The following ATM variants were observed in gnomAD, a reference collection of about 807,000 sequenced individuals.
ATM encodes serine-protein kinase ATM.
Under a neutral mutation model 387.0 loss-of-function variants are expected in ATM, and 308 were observed. The ratio of observed to expected loss-of-function variants is 0.80; its 90% CI spans 0.73 to 0.87. The LOEUF is 0.87. Among genes scored for constraint, ATM ranks in the 40% least tolerant of loss-of-function variants. The pLI is 0.00. For missense variants in ATM, 3,312 were observed against 3,560.9 expected, an observed-to-expected ratio of 0.93 and a Z score of 1.78; for synonymous variants, 1,156 against 1,187.3, an observed-to-expected ratio of 0.97 and a Z score of 0.54.
rs748879858 is a variant in ATM at position 108,366,319 on chromosome 11, T to G, written c.*811T>G. ...TCTCTTTTACCCTATCCATTGGGCT[T>G]CTTCTTTCAGAAATTGTTTTTCATT... On this transcript the variant is annotated 3_prime_UTR_variant, in exon 63 of 63. Coordinates refer to ENST00000675843, the MANE Select transcript of ATM (RefSeq NM_000051.4). The G allele has an allele frequency of 7.6e-5, 16 of 211,718 alleles. No homozygotes were observed. Among genetic ancestry groups the G allele is most frequent in the Admixed American group, 4.1e-4 (7 of 17,006 alleles). 13.1% of individuals were successfully genotyped at this position (211,718 alleles called of 1,614,324 possible).
intron 26 of ATM, among the ~76,000 whole-genome samples, chr11:108,285,805 G>C (rs969331813): frequency 2.0e-5 from 3 of 152,106 alleles, no homozygotes; most frequent in African/African-American, 7.2e-5. Context: ...ATTTGAGAGA[G>C]ATACTCAGCC....
In ATM at chr11:108,272,810, A is replaced by G. The variant is rs368111672; in HGVS notation, c.3242A>G (p.Asn1081Ser). The G allele has an allele frequency of 1.0e-4, 164 of 1,614,104 alleles. 3 individuals carry two copies. The South Asian group carries it at 1.5e-3, about 15-fold the overall frequency. ...NEVFTQFLAD[N>S]HHQVRMLAAE... ...GTATTTACACAATTTCTTGCTGACA[A>G]TCATCACCAAGTTCGCATGTTGGCT... Residue 1081 changes from asparagine (N) to serine (S), a missense_variant, in exon 22 of 63, where the codon AAT becomes AGT. Asn to Ser is a conservative substitution (Grantham distance 46). Coordinates refer to ENST00000675843, the MANE Select transcript of ATM (RefSeq NM_000051.4).
At position 108,365,603 on chromosome 11, in the gene ATM, T is replaced by C; in HGVS notation, c.*95T>C. 1 of 1,414,944 alleles carries C rather than the reference T, an allele frequency of 7.1e-7. No homozygotes were observed. The highest frequency in any genetic ancestry group is 9.6e-7 in the Non-Finnish European group (1 of 1,036,742). The allele number at this position is 1,414,944 out of a possible 1,614,324, so 87.6% of individuals were successfully genotyped here. ...CCAACATACTTTAAGTAGGGATTAATATTTAAGTGAACTATTGTGGGTTTT... is the reference window on the plus strand; with the variant it reads ...CCAACATACTTTAAGTAGGGATTAACATTTAAGTGAACTATTGTGGGTTTT... On this transcript the variant is annotated 3_prime_UTR_variant, in exon 63 of 63. Coordinates refer to ENST00000675843, the MANE Select transcript of ATM (RefSeq NM_000051.4).
At chr11:108,286,826 T>C (rs1487267494) in intron 26 of ATM, among the ~76,000 whole-genome samples, 1 of 152,224 alleles carries the variant, frequency 6.6e-6, no homozygotes, top group Non-Finnish European at 1.5e-5. Flanking sequence ...AGGAAGTATG[T>C]TTTTGAACTT....
At position 108,250,163 on chromosome 11, in the gene ATM, TA is replaced by T. The variant is rs1418538762; in HGVS notation, c.1236-537del. On this transcript the variant is annotated intron_variant, in intron 9 of 62. Transcript: ENST00000675843. ...CTAAATATATATATATATATATATATATTTTCTGAGACGGAGGCTCACTCTG... is the reference window on the plus strand; with the variant it reads ...CTAAATATATATATATATATATATATTTTTCTGAGACGGAGGCTCACTCTG... Among the ~76,000 whole-genome samples, 19 of 150,822 alleles carry T rather than the reference TA, an allele frequency of 1.3e-4. 1 individual carries two copies. Among genetic ancestry groups the T allele is most frequent in the Admixed American group, 6.0e-4 (9 of 15,106 alleles).
rs1060501526 is a variant in ATM at position 108,247,099 on chromosome 11, T to A, written c.1037T>A (p.Ile346Asn). The change falls in exon 8 of 63, where the codon ATT (isoleucine) becomes AAT (asparagine). Residue 346 changes from isoleucine to asparagine, a missense_variant. Physicochemically the swap from Ile to Asn is moderately radical, Grantham distance 149 (BLOSUM62 -3). This residue lies in a region of ATM where 1,791 missense variants were observed against 1,804.5 expected (regional missense o/e 0.99). Transcript: ENST00000675843. ...FRNIAVKENL[I>N]ELMADICHQV... ...AATATTGCCGTCAAAGAAAATTTGA[T>A]TGAATTGATGGCAGATATCTGTCAC... The A allele has an allele frequency of 1.9e-6, 3 of 1,613,908 alleles. No individual in the cohort carries two copies. The South Asian group carries it at 3.3e-5, about 18-fold the overall frequency.
chr11:108,265,284 G>C (rs1299153124), intron 16 of ATM, among the ~76,000 whole-genome samples: 2 of 151,994 alleles, frequency 1.3e-5, no homozygotes, highest in East Asian at 1.9e-4. Flanking sequence ...CCAAAACAGA[G>C]ATATAGATCA....
rs775274473 is a variant in ATM, at chr11:108,284,217, C to T, written c.3747-10C>T. The T allele has an allele frequency of 6.3e-7, 1 of 1,588,702 alleles. No individual in the cohort carries two copies. Among genetic ancestry groups the T allele is most frequent in the South Asian group, 1.1e-5 (1 of 88,480 alleles). The stretch of plus-strand genomic sequence containing the variant: ...TATATAACCTGTATTTTAAATTTTT[C>T]TATTTTTAGATCTTGTTATAAGGTT... On this transcript the variant is annotated splice_polypyrimidine_tract_variant and intron_variant, in intron 25 of 62. Transcript: ENST00000675843.
intron 16 of ATM, among the ~76,000 whole-genome samples, chr11:108,265,939 A>G (rs1188752159): frequency 6.7e-6 from 1 of 149,530 alleles, no homozygotes; most frequent in Admixed American, 6.7e-5. Flanking sequence ...ATGAGATACC[A>G]TCTCACACCA....
At position 108,301,732 on chromosome 11, in the gene ATM, G is replaced by T. The variant is rs748900588; in HGVS notation, c.5262G>T (p.Lys1754Asn). The change falls in exon 35 of 63, where the codon AAG becomes AAT. Residue 1754 changes from lysine to asparagine, a missense_variant. Around this residue, in one of 4 missense-constraint regions of ATM, gnomAD observed 1,405 missense variants for 1,604.4 expected, o/e 0.88. Transcript: ENST00000675843. ...KTGHSFWEIY[K>N]MTTDPMLAYL... ...GACATAGTTTCTGGGAGATTTATAAGATGACAACAGATCCAATGCTGGCCT... is the reference window on the plus strand; with the variant it reads ...GACATAGTTTCTGGGAGATTTATAATATGACAACAGATCCAATGCTGGCCT... The T allele has an allele frequency of 1.1e-5, 17 of 1,613,598 alleles. No individual in the cohort carries two copies. Among genetic ancestry groups the T allele is most frequent in the Non-Finnish European group, 1.4e-5 (17 of 1,179,778 alleles).
chr11:108,332,807 A>G lies in ATM; in HGVS notation c.7834A>G (p.Arg2612Gly). Residue 2612 changes from arginine to glycine, a missense_variant, in exon 53 of 63, where the codon AGG becomes GGG. Transcript: ENST00000675843. ...ANRIICTIRS[R>G]RPQMVRSVEA... ...TAGAATAATATGTACTATCAGAAGT[A>G]GGAGACCTCAGATGGTCAGAAGTGT... The G allele has an allele frequency of 6.2e-7, 1 of 1,613,476 alleles. No homozygotes were observed. Among genetic ancestry groups the G allele is most frequent in the Non-Finnish European group, 8.5e-7 (1 of 1,179,708 alleles).
At chr11:108,339,404 G>T (rs1417525592) in intron 56 of ATM, among the ~76,000 whole-genome samples, 3 of 151,992 alleles carry the variant, frequency 2.0e-5, no homozygotes, top group African/African-American at 7.2e-5. Context: ...GTTCTGGGGA[G>T]AGAAGCCATA....
chr11:108,303,119 T>A, intron 36 of ATM, 90 bp downstream of exon 36: 1 of 1,247,236 alleles, frequency 8.0e-7, no homozygotes, highest in Non-Finnish European at 1.1e-6. Context: ...CTTCACATAA[T>A]ATCACCCCCA....
In ATM at chr11:108,366,086, A is replaced by C. The variant is rs887884019; in HGVS notation, c.*578A>C. ...TGGATTTTTCCTAGTAAGATCACTC[A>C]GTGTTACTAAATAATGAAGTTGTTA... On this transcript the variant is annotated 3_prime_UTR_variant, in exon 63 of 63. Coordinates refer to ENST00000675843, the MANE Select transcript of ATM (RefSeq NM_000051.4). 8.5e-5 allele frequency: 16 copies of C among 189,094 alleles called. No individual in the cohort carries two copies. Among genetic ancestry groups the C allele is most frequent in the African/African-American group, 3.7e-4 (16 of 42,860 alleles). 11.7% of individuals were successfully genotyped at this position (189,094 alleles called of 1,614,324 possible). A position where few individuals can be genotyped will look rare whatever the true frequency, so the allele number is the denominator to read the frequency against.
In ATM at chr11:108,367,243, T is replaced by A. The variant is rs2091378489; in HGVS notation, c.*1735T>A. On this transcript the variant is annotated 3_prime_UTR_variant, in exon 63 of 63. Coordinates refer to ENST00000675843, the MANE Select transcript of ATM (RefSeq NM_000051.4). ...ACCTCGTGATCCACCCTCCTCGGCCTCCCAAAGTGCTGGGATTACAGGTGT... is the reference window on the plus strand; with the variant it reads ...ACCTCGTGATCCACCCTCCTCGGCCACCCAAAGTGCTGGGATTACAGGTGT... 5.6e-6 allele frequency: 1 copy of A among 179,354 alleles called. No individual in the cohort carries two copies. The allele number at this position is 179,354 out of a possible 1,614,324, so 11.1% of individuals were successfully genotyped here.
chr11:108,249,804 G>C (rs2080037748), intron 9 of ATM, among the ~76,000 whole-genome samples: 1 of 152,042 alleles, frequency 6.6e-6, no homozygotes, highest in Non-Finnish European at 1.5e-5. Context: ...TGACTTCTGG[G>C]GAAAAGCATA....
intron 61 of ATM, among the ~76,000 whole-genome samples, chr11:108,364,496 C>T (rs181516718): frequency 1.3e-5 from 2 of 152,236 alleles, no homozygotes; most frequent in East Asian, 3.9e-4. Context: ...AGATTCCAAA[C>T]GCAGCACCAA....
intron 14 of ATM, 117 bp from the exon 15 acceptor site, chr11:108,257,364 C>G (rs903683679): frequency 8.0e-7 from 1 of 1,254,812 alleles, no homozygotes; most frequent in Non-Finnish European, 1.1e-6. Context: ...CATTTTTTCT[C>G]TTAAGTGCAC....
chr11:108,321,798 A>C (rs535844792), intron 45 of ATM, among the ~76,000 whole-genome samples: 3 of 152,300 alleles, frequency 2.0e-5, no homozygotes, highest in East Asian at 3.9e-4. Flanking sequence ...AAAAAAAAAA[A>C]AACTATGTAG....
Sources: gnomAD v4.1 joint callset for allele counts (sites outside exome capture counted in the v4.1 genomes callset) on GRCh38, gnomAD v4.1.1 for gene constraint, gnomAD v4.1.1 regional missense constraint, MANE v1.5 for transcripts, NCBI Gene and HGNC (gene_info 2026-07-23, HGNC 2026-07-21) for gene names.